VAV3: variants seen among roughly 807,000 people sequenced by gnomAD.
The protein encoded by VAV3 is guanine nucleotide exchange factor VAV3.
Under a neutral mutation model 131.2 loss-of-function variants are expected in VAV3, and 94 were observed. The ratio of observed to expected loss-of-function variants is 0.72; its 90% CI spans 0.61 to 0.85. The LOEUF (loss-of-function observed/expected upper bound fraction) is 0.85, where lower values mean the gene tolerates loss of function less well. VAV3 is among the 40% of genes least tolerant of loss of function. The probability of loss-of-function intolerance (pLI) is 0.00; values close to 1 mark genes in which losing one functional copy is unlikely to be tolerated. For missense variants in VAV3, 939 were observed against 1,002.7 expected (o/e 0.94, Z 0.86); for synonymous variants, 349 against 342.0 (o/e 1.02, Z -0.22).
At chr1:107,841,679 T>G (rs1286561314) in intron 2 of VAV3, among the ~76,000 whole-genome samples, 1 of 152,194 alleles carries the variant, frequency 6.6e-6, no homozygotes, top group Non-Finnish European at 1.5e-5. Context: ...AAGTATTATT[T>G]TTCATTTATT....
intron 1 of VAV3, among the ~76,000 whole-genome samples, chr1:107,946,768 G>A (rs1483254107): frequency 6.6e-6 from 1 of 152,136 alleles, no homozygotes; most frequent in Non-Finnish European, 1.5e-5. Context: ...AAATTGCTCA[G>A]TGTCTTCTAA....
At chr1:107,601,922 A>G (rs1158992589) in intron 24 of VAV3, among the ~76,000 whole-genome samples, 1 of 152,290 alleles carries the variant, frequency 6.6e-6, no homozygotes, top group East Asian at 1.9e-4. Context: ...TAAGGTAATG[A>G]ATGAGAACCA....
intron 3 of VAV3, chr1:107,777,888 G>C (rs1017266372): frequency 2.0e-5 from 3 of 152,358 alleles, no homozygotes; most frequent in African/African-American, 7.2e-5. Flanking sequence ...AGACAAATGA[G>C]TCAACCAGAC....
At chr1:107,649,635 G>A (rs760058455) in intron 19 of VAV3, among the ~76,000 whole-genome samples, 13 of 151,598 alleles carry the variant, frequency 8.6e-5, no homozygotes, top group Non-Finnish European at 1.8e-4. Flanking sequence ...TTTCTTTCTC[G>A]CAACCAAAAT....
intron 25 of VAV3, among the ~76,000 whole-genome samples, chr1:107,581,300 G>A (rs1367858705): frequency 6.6e-6 from 1 of 152,148 alleles, no homozygotes; most frequent in Non-Finnish European, 1.5e-5. Context: ...CACTTAGGTA[G>A]GTATCTGGTT....
intron 2 of VAV3, among the ~76,000 whole-genome samples, chr1:107,803,521 G>A (rs918818635): frequency 6.6e-6 from 1 of 151,908 alleles, no homozygotes; most frequent in African/African-American, 2.4e-5. Context: ...GGTCATTTAG[G>A]AGCATGTTGT....
chr1:107,830,706 G>A (rs991363965), intron 2 of VAV3, among the ~76,000 whole-genome samples: 1 of 151,824 alleles, frequency 6.6e-6, no homozygotes, highest in Admixed American at 6.6e-5. Flanking sequence ...CTTTACCTAC[G>A]ATTGTCTTGG....
At chr1:107,665,850 C>A (rs571194968) in intron 19 of VAV3, among the ~76,000 whole-genome samples, 4 of 152,276 alleles carry the variant, frequency 2.6e-5, no homozygotes, top group African/African-American at 7.2e-5. Context: ...AAATGCATGG[C>A]AGCTCTTGCC....
chr1:107,688,175 C>T (rs1461419226), intron 18 of VAV3, among the ~76,000 whole-genome samples: 1 of 152,150 alleles, frequency 6.6e-6, no homozygotes, highest in Non-Finnish European at 1.5e-5. Context: ...TTTTCTCTAC[C>T]TAAGACCTTC....
At chr1:107,655,839 A>G (rs944649797) in intron 19 of VAV3, among the ~76,000 whole-genome samples, 1 of 152,184 alleles carries the variant, frequency 6.6e-6, no homozygotes, top group East Asian at 1.9e-4. Context: ...GTCAACAGGT[A>G]TATGAAAAAT....
chr1:107,679,950 A>G (rs1010096316), intron 19 of VAV3, among the ~76,000 whole-genome samples: 2 of 152,198 alleles, frequency 1.3e-5, no homozygotes, highest in African/African-American at 4.8e-5. Flanking sequence ...ATACATTACT[A>G]TATTTATAAA....
chr1:107,912,958 A>AC (rs1672438359), intron 1 of VAV3, among the ~76,000 whole-genome samples: 1 of 152,222 alleles, frequency 6.6e-6, no homozygotes, highest in African/African-American at 2.4e-5. Flanking sequence ...GGAAGTCAAC[A>AC]TGCCTATTTC....
chr1:107,928,089 T>C (rs1407558005), intron 1 of VAV3, among the ~76,000 whole-genome samples: 1 of 152,034 alleles, frequency 6.6e-6, no homozygotes, highest in Admixed American at 6.5e-5. Context: ...CTATTTGGGA[T>C]AAAGTAAGGG....
In VAV3 at chr1:107,765,132, T is replaced by A; in HGVS notation, c.865A>T (p.Ile289Phe). The part of the protein sequence containing the change: ...GQYCSGVESA[I>F]SSLDYISKTK... ...TTAGAAATGTAGTCTAAACTAGAGA[T>A]GGCTGACTCCACTCCACTGCAGTAC... The change falls in exon 9 of 27, where the codon ATC (isoleucine) becomes TTC (phenylalanine). Residue 289 changes from isoleucine to phenylalanine, a missense_variant. Ile to Phe is a conservative substitution (Grantham distance 21). Coordinates refer to ENST00000370056, the MANE Select transcript of VAV3 (RefSeq NM_006113.5). 1 of 1,613,578 alleles carries A rather than the reference T, an allele frequency of 6.2e-7. No individual in the cohort carries two copies. Among genetic ancestry groups the A allele is most frequent in the Non-Finnish European group, 8.5e-7 (1 of 1,179,638 alleles).
At chr1:107,669,302 A>T in intron 19 of VAV3, 1 of 1,289,090 alleles carries the variant, frequency 7.8e-7, no homozygotes, top group Non-Finnish European at 1.0e-6. Flanking sequence ...AAAAAGAGCT[A>T]CCCAGTATTG....
chr1:107,892,899 A>C (rs1671380524), intron 1 of VAV3, among the ~76,000 whole-genome samples: 1 of 151,898 alleles, frequency 6.6e-6, no homozygotes, highest in African/African-American at 2.4e-5. Flanking sequence ...ATAACTGCCC[A>C]CTCCTTTCTC....
At chr1:107,655,828 C>T (rs1570695056) in intron 19 of VAV3, among the ~76,000 whole-genome samples, 3 of 151,950 alleles carry the variant, frequency 2.0e-5, no homozygotes, top group Admixed American at 6.6e-5. Context: ...ACATATTAGT[C>T]GTCAACAGGT....
intron 15 of VAV3, 28 bp from the exon 16 acceptor site, chr1:107,705,089 A>T: frequency 3.2e-6 from 5 of 1,554,360 alleles, no homozygotes; most frequent in Non-Finnish European, 4.4e-6. Context: ...ATAACTTTCT[A>T]TAGAAAGTTT....
intron 2 of VAV3, among the ~76,000 whole-genome samples, chr1:107,826,235 T>TTA (rs1383368926): frequency 6.6e-6 from 1 of 152,162 alleles, no homozygotes; most frequent in Admixed American, 6.6e-5. Flanking sequence ...CACGATTAGG[T>TTA]TATAATAGGC....
Sources: gnomAD v4.1 joint callset for allele counts (sites outside exome capture counted in the v4.1 genomes callset) on GRCh38, gnomAD v4.1.1 for gene constraint, MANE v1.5 for transcripts, NCBI Gene and HGNC (gene_info 2026-07-23, HGNC 2026-07-21) for gene names.